KYNU: variants seen among roughly 807,000 people sequenced by gnomAD.
KYNU encodes the protein L-kynurenine hydrolase.
Under a neutral mutation model 59.2 loss-of-function variants are expected in KYNU, and 54 were observed. The ratio of observed to expected loss-of-function variants is 0.91; its 90% CI spans 0.73 to 1.14. The LOEUF (loss-of-function observed/expected upper bound fraction) is 1.14. Among genes scored for constraint, KYNU ranks in the 50% most tolerant of loss-of-function variants. KYNU has a pLI of 0.00. For synonymous variants in KYNU, 177 were observed against 192.0 expected, an observed-to-expected ratio of 0.92 and a Z score of 0.65; for missense variants, 567 against 554.4, an observed-to-expected ratio of 1.02 and a Z score of -0.23.
Position 143,045,006 on chromosome 2 carries a change from T to G in KYNU, c.*2834T>G, listed in dbSNP as rs575164248. On this transcript the variant is annotated 3_prime_UTR_variant, in exon 14 of 14. Coordinates refer to ENST00000264170, the MANE Select transcript of KYNU (RefSeq NM_003937.3). ...CTTTAATCTATCTTGAGTTAATTTT[T>G]GTATAAGATATAAGAAAGGGGTCCA... 4 of 152,208 alleles carry G rather than the reference T, an allele frequency of 2.6e-5. No individual in the cohort carries two copies. Among genetic ancestry groups the G allele is most frequent in the South Asian group, 2.1e-4 (1 of 4,820 alleles). The allele number at this position is 152,208 out of a possible 1,614,324, so 9.4% of individuals were successfully genotyped here. A position where few individuals can be genotyped will look rare whatever the true frequency, so the allele number is the denominator to read the frequency against.
chr2:143,000,964 T>C (rs938586875), intron 10 of KYNU, among the ~76,000 whole-genome samples: 1 of 152,258 alleles, frequency 6.6e-6, no homozygotes. Flanking sequence ...CTTGAGTCTC[T>C]GGTTTCATAT....
chr2:143,012,465 A>T lies in KYNU; in HGVS notation c.903-17162A>T, dbSNP rs574086165. On this transcript the variant is annotated intron_variant, in intron 10 of 13. Coordinates refer to ENST00000264170, the MANE Select transcript of KYNU (RefSeq NM_003937.3). The stretch of plus-strand genomic sequence containing the variant: ...GCCACTGCACTCCAGCCTGGATGAC[A>T]TAGCATGACTCCATCTCCAAAAAAC... 5.3e-5 allele frequency among the ~76,000 whole-genome samples: 8 copies of T among 151,084 alleles called. No individual in the cohort carries two copies. The South Asian group carries it at 1.7e-3, about 32-fold the overall frequency.
At chr2:142,893,661 TG>T (rs778055104) in intron 2 of KYNU, among the ~76,000 whole-genome samples, 6 of 151,964 alleles carry the variant, frequency 3.9e-5, no homozygotes, top group Non-Finnish European at 8.8e-5. Flanking sequence ...GAAGATGGTA[TG>T]GGAAAAAAAA....
intron 10 of KYNU, among the ~76,000 whole-genome samples, chr2:143,022,920 C>T (rs1304499253): frequency 6.6e-6 from 1 of 151,934 alleles, no homozygotes; most frequent in Admixed American, 6.5e-5. Context: ...CCACAACAAA[C>T]TTGACTTATG....
At chr2:142,949,007 T>G (rs1418913473) in intron 4 of KYNU, among the ~76,000 whole-genome samples, 2 of 152,202 alleles carry the variant, frequency 1.3e-5, no homozygotes, top group Non-Finnish European at 2.9e-5. Flanking sequence ...TGGGAGAAAT[T>G]GGCCAAAACA....
At chr2:142,891,314 C>A (rs1386428469) in intron 2 of KYNU, among the ~76,000 whole-genome samples, 4 of 151,974 alleles carry the variant, frequency 2.6e-5, no homozygotes, top group Non-Finnish European at 4.4e-5. Flanking sequence ...ATCTACTGAA[C>A]TTGCTGTTAT....
intron 3 of KYNU, among the ~76,000 whole-genome samples, chr2:142,927,185 T>A (rs988330697): frequency 6.6e-6 from 1 of 152,212 alleles, no homozygotes; most frequent in East Asian, 1.9e-4. Flanking sequence ...TATTTACCTA[T>A]AAAATGGTAT....
At chr2:142,964,543 G>C (rs916692158) in intron 8 of KYNU, 12 of 152,146 alleles carry the variant, frequency 7.9e-5, no homozygotes, top group Non-Finnish European at 1.0e-4. Flanking sequence ...ATAAGATTGA[G>C]AATCTTCCAA....
At chr2:142,947,358 C>T in intron 4 of KYNU, 2 of 847,664 alleles carry the variant, frequency 2.4e-6, no homozygotes, top group Non-Finnish European at 3.6e-6. Context: ...CCTCTTCAAG[C>T]TTACTGTACT....
intron 2 of KYNU, among the ~76,000 whole-genome samples, chr2:142,887,094 C>T (rs1456287927): frequency 2.0e-5 from 3 of 151,994 alleles, no homozygotes; most frequent in South Asian, 2.1e-4. Flanking sequence ...GGCTTGAACC[C>T]GGGAGGCAGA....
chr2:142,964,261 C>T (rs900283677), intron 8 of KYNU, among the ~76,000 whole-genome samples: 1 of 151,966 alleles, frequency 6.6e-6, no homozygotes, highest in African/African-American at 2.4e-5. Flanking sequence ...TAAATATTCA[C>T]ATAAATTTTG....
chr2:142,958,926 T>C (rs779077970), intron 7 of KYNU, among the ~76,000 whole-genome samples: 3 of 152,204 alleles, frequency 2.0e-5, no homozygotes, highest in Non-Finnish European at 4.4e-5. Flanking sequence ...ATAAAGAGTT[T>C]TGGATTGCCA....
At chr2:143,004,333 T>C (rs1344812592) in intron 10 of KYNU, among the ~76,000 whole-genome samples, 1 of 152,192 alleles carries the variant, frequency 6.6e-6, no homozygotes, top group Non-Finnish European at 1.5e-5. Flanking sequence ...GGGATTGAGA[T>C]TCAAGTCTCA....
intron 10 of KYNU, among the ~76,000 whole-genome samples, chr2:142,998,025 G>T (rs1430881651): frequency 1.3e-5 from 2 of 151,996 alleles, no homozygotes; most frequent in African/African-American, 4.8e-5. Flanking sequence ...CTACTTTTTT[G>T]GAATTTATGA....
intron 4 of KYNU, among the ~76,000 whole-genome samples, chr2:142,927,955 AAT>A (rs1019859557): frequency 9.9e-5 from 15 of 152,156 alleles, no homozygotes; most frequent in South Asian, 2.1e-4. Context: ...ATAAAAATAA[AAT>A]ATATGTTATT....
intron 11 of KYNU, 29 bp downstream of exon 11, chr2:143,029,708 T>C: frequency 8.0e-7 from 1 of 1,244,576 alleles, no homozygotes; most frequent in Non-Finnish European, 1.2e-6. Flanking sequence ...CCTAATGCCA[T>C]TTTTATTTTA....
At chr2:142,922,667 A>G (rs1682921998) in intron 3 of KYNU, among the ~76,000 whole-genome samples, 2 of 152,190 alleles carry the variant, frequency 1.3e-5, no homozygotes, top group African/African-American at 2.4e-5. Context: ...TTTATGGCCT[A>G]TTGCAGACAT....
chr2:142,882,494 G>A (rs949911328), intron 1 of KYNU, among the ~76,000 whole-genome samples: 3 of 151,908 alleles, frequency 2.0e-5, no homozygotes, highest in African/African-American at 4.8e-5. Flanking sequence ...CCCACTCCAC[G>A]ACAGGCTCCG....
intron 8 of KYNU, among the ~76,000 whole-genome samples, chr2:142,972,823 G>C (rs1335217463): frequency 5.3e-5 from 8 of 149,714 alleles, no homozygotes; most frequent in Non-Finnish European, 1.2e-4. Flanking sequence ...TAGAGAGAGA[G>C]AGAGAGAGAG....
Sources: gnomAD v4.1 joint callset for allele counts (sites outside exome capture counted in the v4.1 genomes callset) on GRCh38, gnomAD v4.1.1 for gene constraint, MANE v1.5 for transcripts, NCBI Gene and HGNC (gene_info 2026-07-23, HGNC 2026-07-21) for gene names.